The following STPG2 variants were observed in gnomAD, a reference collection of about 807,000 sequenced individuals.
STPG2 encodes the protein sperm-tail PG-rich repeat-containing protein 2.
STPG2 carries 56 observed loss-of-function variants against 54.2 expected under a neutral mutation model. The ratio of observed to expected loss-of-function variants is 1.03; its 90% CI spans 0.83 to 1.29. The LOEUF is 1.29. Ranked by LOEUF, STPG2 falls within the 50% of genes most tolerant of loss-of-function variation. STPG2 has a pLI of 0.00. For synonymous variants in STPG2, 200 were observed against 181.8 expected (o/e 1.10, Z -0.81); for missense variants, 596 against 544.9 (o/e 1.09, Z -0.93).
intron 10 of STPG2, among the ~76,000 whole-genome samples, chr4:97,563,312 G>A (rs190783939): frequency 2.5e-4 from 38 of 149,668 alleles, no homozygotes; most frequent in African/African-American, 6.6e-4. Flanking sequence ...TTTTTATTGC[G>A]TCTATTTGAT....
In STPG2 at chr4:97,511,807, A is replaced by T. The variant is rs536803601; in HGVS notation, c.462+200892T>A. 7.3e-5 allele frequency among the ~76,000 whole-genome samples: 11 copies of T among 151,104 alleles called. No homozygotes were observed. In the South Asian group the frequency reaches 1.5e-3, roughly 20 times the overall value. On this transcript the variant is annotated intron_variant, in intron 4 of 4. Coordinates refer to the STPG2 transcript ENST00000522676. ...AATTAACATAATTAATTTCCTACAT[A>T]AAAAAAAATGTTTGTGAGCTGGTAC...
At chr4:97,558,086 C>A (rs897646782), downstream of STPG2, among the ~76,000 whole-genome samples, 2 of 152,196 alleles carry the variant, frequency 1.3e-5, no homozygotes, top group African/African-American at 4.8e-5. Flanking sequence ...CTGCATATAT[C>A]TGTGCCTAAT....
At chr4:97,465,019 T>C (rs1230657598) in intron 4 of STPG2, among the ~76,000 whole-genome samples, 3 of 152,178 alleles carry the variant, frequency 2.0e-5, no homozygotes, top group African/African-American at 7.2e-5. Context: ...TACTTCATAA[T>C]GGTTACTCTT....
chr4:97,820,363 T>C (rs950087908), intron 9 of STPG2, among the ~76,000 whole-genome samples: 1 of 152,082 alleles, frequency 6.6e-6, no homozygotes, highest in African/African-American at 2.4e-5. Flanking sequence ...CAATGACCTG[T>C]AAGTGTTCAA....
Position 98,139,296 on chromosome 4 carries a change from C to A in STPG2, c.109+3746G>T, listed in dbSNP as rs139043529. Among the ~76,000 whole-genome samples the A allele has an allele frequency of 2.7e-3, 410 of 152,238 alleles. 2 individuals carry two copies. The highest frequency in any genetic ancestry group is 9.4e-3 in the African/African-American group (389 of 41,540). ...TAGAGACAATACCCTGAAGGACTGG[C>A]CTGGCCAAGCAGGCTACAGTGAGGG... is the stretch of plus-strand genomic sequence containing the variant. On this transcript the variant is annotated intron_variant, in intron 1 of 10. Coordinates refer to ENST00000295268, the MANE Select transcript of STPG2 (RefSeq NM_174952.3).
intron 3 of STPG2, among the ~76,000 whole-genome samples, chr4:98,120,621 G>A (rs1169932865): frequency 1.3e-5 from 2 of 152,122 alleles, no homozygotes; most frequent in Non-Finnish European, 2.9e-5. Context: ...GGTGTGAGAT[G>A]GTATCTCATT....
Position 98,087,710 on chromosome 4 carries a change from G to A in STPG2, c.612+18243C>T, listed in dbSNP as rs1578843661. 2.0e-5 allele frequency among the ~76,000 whole-genome samples: 3 copies of A among 152,014 alleles called. No homozygotes were observed. The South Asian group carries it at 6.2e-4, about 32-fold the overall frequency. Reference sequence around the variant, plus strand: ...CGAGTAGCTGGGACTACAGGTGCCCGCCGCTATGCCCGGCTAATTTTTTGT... The same window carrying A: ...CGAGTAGCTGGGACTACAGGTGCCCACCGCTATGCCCGGCTAATTTTTTGT... On this transcript the variant is annotated intron_variant, in intron 5 of 10. Coordinates refer to ENST00000295268, the MANE Select transcript of STPG2 (RefSeq NM_174952.3).
intron 8 of STPG2, among the ~76,000 whole-genome samples, chr4:97,903,204 C>G (rs1013516664): frequency 6.6e-6 from 1 of 151,948 alleles, no homozygotes; most frequent in Non-Finnish European, 1.5e-5. Flanking sequence ...GAGAATAGAT[C>G]TCAATTATTC....
intron 5 of STPG2, among the ~76,000 whole-genome samples, chr4:98,014,469 C>T (rs569241637): frequency 5.8e-4 from 88 of 152,246 alleles, no homozygotes; most frequent in Middle Eastern, 3.4e-3. Flanking sequence ...GTTGCCAGTG[C>T]AAAATTCACC....
At chr4:97,664,243 T>C (rs1683656094) in intron 10 of STPG2, among the ~76,000 whole-genome samples, 2 of 152,196 alleles carry the variant, frequency 1.3e-5, no homozygotes, top group African/African-American at 2.4e-5. Context: ...CCTACACATA[T>C]AGAGCTTAAG....
intron 4 of STPG2, among the ~76,000 whole-genome samples, chr4:97,503,989 T>A (rs1014718403): frequency 2.8e-5 from 4 of 142,762 alleles, no homozygotes; most frequent in African/African-American, 1.0e-4. Context: ...TATTTAAATA[T>A]TTTAAAAATA....
rs576639204 is a variant in STPG2 at position 97,766,627 on chromosome 4, T to G, written c.1205-53813A>C. Among the ~76,000 whole-genome samples the G allele has an allele frequency of 1.5e-4, 23 of 152,168 alleles. 1 individual carries two copies. Among genetic ancestry groups the G allele is most frequent in the Non-Finnish European group, 2.5e-4 (17 of 67,940 alleles). On this transcript the variant is annotated intron_variant, in intron 9 of 10. Transcript: ENST00000295268. The stretch of plus-strand genomic sequence containing the variant: ...ATAGGATTTGTAAAACTAAAGAGTT[T>G]TAATAGCAAGATAAGCCAATCTTTA...
chr4:97,889,999 T>C (rs1471595061), intron 8 of STPG2, among the ~76,000 whole-genome samples: 1 of 152,096 alleles, frequency 6.6e-6, no homozygotes, highest in Non-Finnish European at 1.5e-5. Flanking sequence ...CATTAGAAGA[T>C]AAAAGGAAAA....
intron 5 of STPG2, among the ~76,000 whole-genome samples, chr4:98,086,229 A>G (rs1738499061): frequency 6.6e-6 from 1 of 152,110 alleles, no homozygotes; most frequent in Non-Finnish European, 1.5e-5. Flanking sequence ...CTCACAAGCT[A>G]TAAGATAATC....
At chr4:97,606,785 C>T (rs1733606475) in intron 10 of STPG2, among the ~76,000 whole-genome samples, 2 of 151,890 alleles carry the variant, frequency 1.3e-5, no homozygotes, top group African/African-American at 4.8e-5. Flanking sequence ...TTTTTAAGTA[C>T]TTCCATTTTA....
At chr4:97,967,825 C>T (rs1734167320) in intron 7 of STPG2, among the ~76,000 whole-genome samples, 1 of 152,090 alleles carries the variant, frequency 6.6e-6, no homozygotes, top group East Asian at 1.9e-4. Context: ...AACAAAGACA[C>T]AACATACCAG....
intron 8 of STPG2, among the ~76,000 whole-genome samples, chr4:97,860,577 T>C (rs1729491851): frequency 6.6e-6 from 1 of 151,952 alleles, no homozygotes; most frequent in Non-Finnish European, 1.5e-5. Flanking sequence ...GCTTCTCAGC[T>C]TGGTCACTGT....
intron 9 of STPG2, among the ~76,000 whole-genome samples, chr4:97,824,181 A>G (rs1168967160): frequency 6.6e-6 from 1 of 152,102 alleles, no homozygotes; most frequent in African/African-American, 2.4e-5. Flanking sequence ...ACTGACAAGC[A>G]GCTGCCTAAA....
At chr4:97,495,606 A>T (rs1395867976) in intron 4 of STPG2, among the ~76,000 whole-genome samples, 1 of 150,712 alleles carries the variant, frequency 6.6e-6, no homozygotes, top group Non-Finnish European at 1.5e-5. Flanking sequence ...TATATTAATT[A>T]TCTGTATTTA....
Sources: allele counts gnomAD v4.1 joint callset (sites outside exome capture counted in the v4.1 genomes callset), GRCh38; gene constraint gnomAD v4.1.1; transcripts MANE v1.5; gene names NCBI Gene and HGNC (gene_info 2026-07-23, HGNC 2026-07-21).